The following RBBP8 variants were observed in gnomAD, a reference collection of about 807,000 sequenced individuals.
RBBP8 encodes DNA endonuclease RBBP8.
A neutral mutation model predicts 108.3 loss-of-function variants in RBBP8; 88 were observed. The ratio of observed to expected loss-of-function variants is 0.81; its 90% CI spans 0.68 to 0.97. The LOEUF is 0.97. RBBP8 is among the 50% of genes least tolerant of loss of function. RBBP8 has a pLI of 0.00. For synonymous variants in RBBP8, 332 were observed against 348.2 expected, an observed-to-expected ratio of 0.95 and a Z score of 0.52; for missense variants, 1,023 against 1,049.0, an observed-to-expected ratio of 0.98 and a Z score of 0.34.
In RBBP8 at chr18:22,991,027, A is replaced by G. The variant is rs745910519; in HGVS notation, c.898A>G (p.Arg300Gly). 21 of 1,612,376 alleles carry G rather than the reference A, an allele frequency of 1.3e-5. No individual in the cohort carries two copies. The highest frequency in any genetic ancestry group is 1.8e-5 in the Non-Finnish European group (21 of 1,178,586). Residue 300 changes from arginine (R) to glycine (G), a missense_variant, in exon 10 of 19, where the codon AGA becomes GGA. Coordinates refer to ENST00000327155, the MANE Select transcript of RBBP8 (RefSeq NM_002894.3). ...HKKQPFEESTRNTEDSLRFSD... is the reference protein window; with the variant it reads ...HKKQPFEESTGNTEDSLRFSD... ...GAAACAGCCTTTTGAGGAATCTACAAGAAATACTGAAGATAGTTTAAGGTA... is the reference window on the plus strand; with the variant it reads ...GAAACAGCCTTTTGAGGAATCTACAGGAAATACTGAAGATAGTTTAAGGTA...
At chr18:22,938,700 G>A (rs143995530) in intron 2 of RBBP8, among the ~76,000 whole-genome samples, 91 of 152,272 alleles carry the variant, frequency 6.0e-4, no homozygotes, top group African/African-American at 2.0e-3. Flanking sequence ...TGTGATCTTA[G>A]CCTAATTACC....
chr18:22,954,073 C>G (rs1912282209), intron 4 of RBBP8, among the ~76,000 whole-genome samples: 1 of 152,088 alleles, frequency 6.6e-6, no homozygotes. Context: ...GTGGGAACTA[C>G]AATTCAAGTT....
chr18:23,023,792 C>T (rs1018179026), intron 18 of RBBP8, among the ~76,000 whole-genome samples: 2 of 151,344 alleles, frequency 1.3e-5, no homozygotes, highest in African/African-American at 4.9e-5. Context: ...GGGTCCATTT[C>T]ACAGACCCTT....
At chr18:22,925,783 A>G (rs536767392) in intron 3 of RBBP8, among the ~76,000 whole-genome samples, 1 of 152,346 alleles carries the variant, frequency 6.6e-6, no homozygotes, top group Admixed American at 6.5e-5. Context: ...CTGTAAATAA[A>G]TATTACTCCC....
intron 16 of RBBP8, among the ~76,000 whole-genome samples, chr18:23,007,704 A>G (rs1295906159): frequency 6.6e-6 from 1 of 151,316 alleles, no homozygotes; most frequent in East Asian, 2.0e-4. Context: ...TCTCAGAAAA[A>G]AAAAAAAAAA....
At chr18:22,914,984 T>C (rs1336681592) in intron 1 of RBBP8, among the ~76,000 whole-genome samples, 1 of 152,144 alleles carries the variant, frequency 6.6e-6, no homozygotes, top group African/African-American at 2.4e-5. Context: ...ATCTCTCTCT[T>C]TACGTAATCC....
intron 18 of RBBP8, 144 bp from the exon 19 acceptor site, chr18:23,025,999 T>A (rs1242948428): frequency 4.3e-6 from 3 of 705,388 alleles, no homozygotes; most frequent in Non-Finnish European, 7.5e-6. Context: ...AATAGTGAGA[T>A]CAATCATCAG....
chr18:22,991,451 TAATAC>T (rs1307627717), intron 10 of RBBP8, among the ~76,000 whole-genome samples: 1 of 152,170 alleles, frequency 6.6e-6, no homozygotes, highest in East Asian at 1.9e-4. Context: ...TATTAACTAA[TAATAC>T]AGCCATTCCG....
chr18:22,990,240 G>A (rs1460164104), intron 9 of RBBP8, among the ~76,000 whole-genome samples: 3 of 152,142 alleles, frequency 2.0e-5, no homozygotes, highest in Non-Finnish European at 4.4e-5. Context: ...AATAGCATCT[G>A]CATCAGTTTT....
intron 3 of RBBP8, among the ~76,000 whole-genome samples, chr18:22,925,014 G>A (rs547417053): frequency 4.0e-5 from 6 of 151,810 alleles, no homozygotes; most frequent in Non-Finnish European, 8.8e-5. Flanking sequence ...CTCCCAAGTA[G>A]CTGAGGCTAC....
intron 3 of RBBP8, among the ~76,000 whole-genome samples, chr18:22,918,651 C>T (rs1423683770): frequency 3.3e-5 from 5 of 152,034 alleles, no homozygotes; most frequent in Admixed American, 1.3e-4. Flanking sequence ...TCTAACATGA[C>T]GTCAAATTAA....
At chr18:22,997,127 TA>T (rs1252205844) in intron 13 of RBBP8, among the ~76,000 whole-genome samples, 1 of 152,272 alleles carries the variant, frequency 6.6e-6, no homozygotes, top group Non-Finnish European at 1.5e-5. Flanking sequence ...TGACTATTTT[TA>T]AAAGTTAAAA....
chr18:22,952,881 C>T (rs775393958), intron 4 of RBBP8, among the ~76,000 whole-genome samples: 16 of 152,198 alleles, frequency 1.1e-4, no homozygotes, highest in Non-Finnish European at 1.6e-4. Flanking sequence ...ACACCACTTT[C>T]TACAAGCAGT....
At chr18:23,008,180 T>C (rs941802768) in intron 16 of RBBP8, among the ~76,000 whole-genome samples, 16 of 152,220 alleles carry the variant, frequency 1.1e-4, no homozygotes, top group East Asian at 1.9e-4. Flanking sequence ...CTGTTACTTA[T>C]AGTCACCTAC....
chr18:22,934,378 T>A (rs1315196535), intron 1 of RBBP8: 5 of 152,238 alleles, frequency 3.3e-5, no homozygotes, highest in African/African-American at 1.2e-4. Context: ...TAAAGGATGC[T>A]TATTTTACAC....
At position 23,026,133 on chromosome 18, in the gene RBBP8, TG is replaced by T; in HGVS notation, c.2597-9del. On this transcript the variant is annotated splice_polypyrimidine_tract_variant and intron_variant, in intron 18 of 18. Coordinates refer to ENST00000327155, the MANE Select transcript of RBBP8 (RefSeq NM_002894.3). ...CATACAGTCTTCTAAGTTTATGATT[TG>T]TTTTTAAGGTTATATTAAGGAAGAT... 1 of 1,600,916 alleles carries T rather than the reference TG, an allele frequency of 6.2e-7. No homozygotes were observed.
At chr18:23,017,106 G>A (rs566292520) in intron 17 of RBBP8, among the ~76,000 whole-genome samples, 182 bp downstream of exon 17, 7 of 152,276 alleles carry the variant, frequency 4.6e-5, no homozygotes, top group Non-Finnish European at 1.0e-4. Flanking sequence ...TCTAATCTCA[G>A]CATTTTGGGA....
At chr18:22,938,923 G>A (rs985913136) in intron 2 of RBBP8, among the ~76,000 whole-genome samples, 65 of 152,168 alleles carry the variant, frequency 4.3e-4, no homozygotes, top group African/African-American at 1.4e-3. Flanking sequence ...CGTGCAAGGA[G>A]TTTTAGAGGA....
At chr18:22,947,190 T>A (rs943890394) in intron 3 of RBBP8, among the ~76,000 whole-genome samples, 5 of 152,090 alleles carry the variant, frequency 3.3e-5, no homozygotes, top group African/African-American at 1.2e-4. Context: ...TCTTTTAAAA[T>A]TATTTTAATT....
Sources: gnomAD v4.1 joint callset for allele counts (sites outside exome capture counted in the v4.1 genomes callset) on GRCh38, gnomAD v4.1.1 for gene constraint, MANE v1.5 for transcripts, NCBI Gene and HGNC (gene_info 2026-07-23, HGNC 2026-07-21) for gene names.